MRO: variants seen among roughly 807,000 people sequenced by gnomAD.
MRO encodes protein maestro.
A neutral mutation model predicts 31.0 loss-of-function variants in MRO; 28 were observed. That is an observed-to-expected ratio of 0.90 (90% confidence interval 0.67 to 1.24). The LOEUF (loss-of-function observed/expected upper bound fraction) is 1.24. MRO is among the 50% of genes most tolerant of loss of function. MRO has a pLI of 0.00. For synonymous variants in MRO, 108 were observed against 108.4 expected, an observed-to-expected ratio of 1.00 and a Z score of 0.02; for missense variants, 332 against 289.2, an observed-to-expected ratio of 1.15 and a Z score of -1.07.
At chr18:50,802,847 A>T (rs1188546586) in intron 5 of MRO, among the ~76,000 whole-genome samples, 1 of 151,358 alleles carries the variant, frequency 6.6e-6, no homozygotes, top group Non-Finnish European at 1.5e-5. Context: ...GGCACACACC[A>T]CCATGCCTGG....
At position 50,805,352 on chromosome 18, in the gene MRO, G is replaced by A; in HGVS notation, c.247-16C>T. On this transcript the variant is annotated splice_polypyrimidine_tract_variant and intron_variant, in intron 4 of 7. Transcript: ENST00000398439. Reference sequence around the variant, plus strand: ...ACTTTCTCACCTGTCACCAAGGTTTGAAAAGCAGTAATAGCACAGGAACTG... The same window carrying A: ...ACTTTCTCACCTGTCACCAAGGTTTAAAAAGCAGTAATAGCACAGGAACTG... 4 of 1,611,592 alleles carry A rather than the reference G, an allele frequency of 2.5e-6. No homozygotes were observed. Among genetic ancestry groups the A allele is most frequent in the Non-Finnish European group, 3.4e-6 (4 of 1,178,456 alleles).
At position 50,819,562 on chromosome 18, in the gene MRO, G is replaced by C. The variant is rs542254605; in HGVS notation, c.-5+19C>G. 6.4e-7 allele frequency: 1 copy of C among 1,551,356 alleles called. No individual in the cohort carries two copies. Among genetic ancestry groups the C allele is most frequent in the Admixed American group, 2.0e-5 (1 of 50,968 alleles). On this transcript the variant is annotated intron_variant, in intron 2 of 7. Transcript: ENST00000398439. Reference sequence around the variant, plus strand: ...GCCTCCCGCTGCATCTGGCTGCCCCGGCCAACAGTGTCCCTTACCTGCGGC... The same window carrying C: ...GCCTCCCGCTGCATCTGGCTGCCCCCGCCAACAGTGTCCCTTACCTGCGGC...
intron 5 of MRO, among the ~76,000 whole-genome samples, chr18:50,803,121 A>G (rs569420795): frequency 6.6e-6 from 1 of 152,072 alleles, no homozygotes; most frequent in Non-Finnish European, 1.5e-5. Context: ...TGTAATGGAG[A>G]TGTAAACTAT....
chr18:50,809,602 A>T (rs188463469), intron 2 of MRO, among the ~76,000 whole-genome samples, 198 bp from the exon 3 acceptor site: 22 of 152,256 alleles, frequency 1.4e-4, no homozygotes, highest in Admixed American at 1.4e-3. Context: ...GAGGAATAGC[A>T]GCTTGGGGGT....
Position 50,817,129 on chromosome 18 carries a change from G to A in MRO, c.-5+2452C>T, listed in dbSNP as rs1235955483. ...CTGAGTGGCTCCACCTGGAAGATTC[G>A]ATCTGTGATTAGAGAAACTCACAGA... On this transcript the variant is annotated intron_variant, in intron 2 of 7. Transcript: ENST00000398439. Among the ~76,000 whole-genome samples the A allele has an allele frequency of 3.3e-5, 5 of 152,198 alleles. No individual in the cohort carries two copies. In the East Asian group the frequency reaches 5.8e-4, roughly 18 times the overall value.
chr18:50,811,928 C>T (rs1192112852), intron 2 of MRO, among the ~76,000 whole-genome samples: 1 of 151,650 alleles, frequency 6.6e-6, no homozygotes, highest in African/African-American at 2.4e-5. Flanking sequence ...TTTTAGTAGA[C>T]ACGGGGTTTC....
Position 50,806,788 on chromosome 18 carries a change from T to C in MRO, c.162A>G (p.Ala54=), listed in dbSNP as rs756074011. 6.2e-7 allele frequency: 1 copy of C among 1,614,136 alleles called. No homozygotes were observed. The highest frequency in any genetic ancestry group is 8.5e-7 in the Non-Finnish European group (1 of 1,180,032). The change falls in exon 4 of 8, where the codon GCA becomes GCG. Residue 54 remains alanine (A), a synonymous_variant. Transcript: ENST00000398439. ...EPLKNVFFIL[A]ERARDPSAKK... ...TAGCACTGGGGTCCCGAGCTCTTTC[T>C]GCCAAGATGAAAAACACATTCTTCA...
rs557003823 is a variant in MRO, at chr18:50,810,358, T to A, written c.-4-954A>T. 2.0e-5 allele frequency among the ~76,000 whole-genome samples: 3 copies of A among 152,342 alleles called. No individual in the cohort carries two copies. The East Asian group carries it at 5.8e-4, about 29-fold the overall frequency. The stretch of plus-strand genomic sequence containing the variant: ...CAGATCAACATGTGCTAAAATAATC[T>A]CCACGATATACTGTTGAGTGAAAAG... On this transcript the variant is annotated intron_variant, in intron 2 of 7. Transcript: ENST00000398439.
rs781615969 is a variant in MRO at position 50,809,282 on chromosome 18, C to T, written c.99+20G>A. ...CAGCTGCTGGGAGGAGAAATTTGTTCATAATATTTTGTGTCAGACCTTGGA... is the reference window on the plus strand; with the variant it reads ...CAGCTGCTGGGAGGAGAAATTTGTTTATAATATTTTGTGTCAGACCTTGGA... On this transcript the variant is annotated intron_variant, in intron 3 of 7. Coordinates refer to ENST00000398439, the MANE Select transcript of MRO (RefSeq NM_031939.6). 1 of 1,582,664 alleles carries T rather than the reference C, an allele frequency of 6.3e-7. No individual in the cohort carries two copies.
chr18:50,800,669 G>T (rs927750420), intron 6 of MRO, among the ~76,000 whole-genome samples: 5 of 152,164 alleles, frequency 3.3e-5, no homozygotes, highest in Non-Finnish European at 7.3e-5. Context: ...TGGATCACCT[G>T]AGGTCAGGAG....
chr18:50,802,067 A>G (rs775769180), intron 5 of MRO, among the ~76,000 whole-genome samples: 2 of 152,144 alleles, frequency 1.3e-5, no homozygotes, highest in Non-Finnish European at 2.9e-5. Context: ...TTGAGTTTTC[A>G]TCAGTCTGAG....
chr18:50,817,382 C>G (rs927578657), intron 2 of MRO, among the ~76,000 whole-genome samples: 1 of 152,194 alleles, frequency 6.6e-6, no homozygotes, highest in South Asian at 2.1e-4. Context: ...CACCTGTAAT[C>G]CCAGCACTTT....
Position 50,797,018 on chromosome 18 carries a change from G to A in MRO, c.*2319C>T, listed in dbSNP as rs1461844932. On this transcript the variant is annotated 3_prime_UTR_variant, in exon 8 of 8. Transcript: ENST00000398439. ...TAGCCAAGACAACAGTTAATAATAA[G>A]GAATCTTCTCTGGTTACTTATTGCA... 1 of 152,174 alleles carries A rather than the reference G, an allele frequency of 6.6e-6. No individual in the cohort carries two copies. The highest frequency in any genetic ancestry group is 2.4e-5 in the African/African-American group (1 of 41,448). 9.4% of individuals were successfully genotyped at this position (152,174 alleles called of 1,614,324 possible).
Position 50,799,289 on chromosome 18 carries a change from T to G in MRO, c.*48A>C, listed in dbSNP as rs758126203. 3.6e-5 allele frequency: 55 copies of G among 1,508,452 alleles called. 1 individual carries two copies. In the East Asian group the frequency reaches 1.2e-3, roughly 33 times the overall value. The allele number at this position is 1,508,452 out of a possible 1,614,324, so 93.4% of individuals were successfully genotyped here. On this transcript the variant is annotated 3_prime_UTR_variant, in exon 8 of 8. Coordinates refer to ENST00000398439, the MANE Select transcript of MRO (RefSeq NM_031939.6). ...AGTGAGATAAAACAGGGGAACATGA[T>G]GGCTCAGCAATGCACTCATACAGAA...
chr18:50,812,679 A>G, intron 2 of MRO, among the ~76,000 whole-genome samples: 1 of 152,136 alleles, frequency 6.6e-6, no homozygotes, highest in East Asian at 1.9e-4. Flanking sequence ...TTTTGAGTTA[A>G]TATTTGTATA....
upstream of MRO, among the ~76,000 whole-genome samples, chr18:50,822,759 A>G (rs57560390): frequency 7.0e-6 from 1 of 141,936 alleles, no homozygotes; most frequent in East Asian, 2.3e-4. Flanking sequence ...AAAAGAAGTA[A>G]AATCAGCCAC....
At chr18:50,820,873 A>G (rs1915277255), upstream of MRO, among the ~76,000 whole-genome samples, 1 of 152,238 alleles carries the variant, frequency 6.6e-6, no homozygotes, top group Admixed American at 6.5e-5. Context: ...GAACTATGTC[A>G]GAGTGGAAGA....
chr18:50,821,891 C>T (rs973310579), upstream of MRO, among the ~76,000 whole-genome samples: 25 of 152,162 alleles, frequency 1.6e-4, no homozygotes, highest in African/African-American at 1.9e-4. Context: ...TTCTCATAAA[C>T]GGCCTGGATG....
intron 4 of MRO, among the ~76,000 whole-genome samples, chr18:50,805,746 A>G (rs1479087712): frequency 7.2e-6 from 1 of 138,982 alleles, no homozygotes; most frequent in Non-Finnish European, 1.6e-5. Context: ...AAATTACTAG[A>G]AAAAAAAATC....
Sources: allele counts gnomAD v4.1 joint callset (sites outside exome capture counted in the v4.1 genomes callset), GRCh38; gene constraint gnomAD v4.1.1; transcripts MANE v1.5; gene names NCBI Gene and HGNC (gene_info 2026-07-23, HGNC 2026-07-21).